PGM1: variants seen among roughly 807,000 people sequenced by gnomAD.
PGM1 encodes the protein phosphoglucomutase-1.
Under a neutral mutation model 55.6 loss-of-function variants are expected in PGM1, and 52 were observed. The ratio of observed to expected loss-of-function variants is 0.94; its 90% CI spans 0.75 to 1.18. The LOEUF (loss-of-function observed/expected upper bound fraction) is 1.18, where lower values mean the gene tolerates loss of function less well. PGM1 is among the 50% of genes most tolerant of loss of function. The probability of loss-of-function intolerance (pLI) is 0.00; values close to 1 mark genes in which losing one functional copy is unlikely to be tolerated. For synonymous variants in PGM1, 287 were observed against 271.7 expected, an observed-to-expected ratio of 1.06 and a Z score of -0.55; for missense variants, 724 against 729.3, an observed-to-expected ratio of 0.99 and a Z score of 0.08.
chr1:63,596,376 C>G (rs1553177172), intron 1 of PGM1, among the ~76,000 whole-genome samples: 1 of 150,998 alleles, frequency 6.6e-6, no homozygotes, highest in Non-Finnish European at 1.5e-5. Context: ...CCTGCCTTAG[C>G]CTCCTGAGTA....
rs752554516 is a variant in PGM1 at position 63,629,921 on chromosome 1, T to C, written c.410-21T>C. On this transcript the variant is annotated intron_variant, in intron 2 of 10. Coordinates refer to ENST00000371084, the MANE Select transcript of PGM1 (RefSeq NM_002633.3). ...ATGTGAGCTGCACGAAGTAACCCACTGTTTGCTGTTTGGTTTCCAGGTCCT... is the reference window on the plus strand; with the variant it reads ...ATGTGAGCTGCACGAAGTAACCCACCGTTTGCTGTTTGGTTTCCAGGTCCT... 8 of 1,613,942 alleles carry C rather than the reference T, an allele frequency of 5.0e-6. No homozygotes were observed. In the Admixed American group the frequency reaches 1.2e-4, roughly 24 times the overall value.
intron 7 of PGM1, among the ~76,000 whole-genome samples, chr1:63,643,351 C>G (rs1649566698): frequency 6.6e-6 from 1 of 152,214 alleles, no homozygotes; most frequent in East Asian, 1.9e-4. Context: ...CATGCTGGCA[C>G]TGATTCACAT....
chr1:63,656,432 T>G (rs1432759073), intron 10 of PGM1, among the ~76,000 whole-genome samples: 1 of 152,206 alleles, frequency 6.6e-6, no homozygotes, highest in African/African-American at 2.4e-5. Context: ...GTAATCCCTC[T>G]TCTGGGTATA....
At chr1:63,594,488 C>T (rs1255670926) in intron 1 of PGM1, among the ~76,000 whole-genome samples, 2 of 152,020 alleles carry the variant, frequency 1.3e-5, no homozygotes, top group East Asian at 3.9e-4. Context: ...GGCAACATAC[C>T]CAAAGACGCC....
At chr1:63,633,904 GTGTGTGTGTGTGTGTATATATA>G (rs1649273589) in intron 4 of PGM1, among the ~76,000 whole-genome samples, 3 of 36,034 alleles carry the variant, frequency 8.3e-5, no homozygotes, top group African/African-American at 5.4e-4. Flanking sequence ...GTGTGTGTGT[GTGTGTGTGTGTGTGTATATATA>G]TATATATTTT....
rs772513692 is a variant in PGM1 at position 63,651,811 on chromosome 1, G to C, written c.1423G>C (p.Glu475Gln). 2.5e-6 allele frequency: 4 copies of C among 1,614,040 alleles called. 1 individual carries two copies. The South Asian group carries it at 4.4e-5, about 18-fold the overall frequency. Reference protein sequence around the residue: ...VYTVEKADNFEYSDPVDGSIS... With the variant: ...VYTVEKADNFQYSDPVDGSIS... Reference sequence around the variant, plus strand: ...CACTGTGGAGAAGGCCGATAACTTTGAATACAGCGACCCAGTGGATGGAAG... The same window carrying C: ...CACTGTGGAGAAGGCCGATAACTTTCAATACAGCGACCCAGTGGATGGAAG... The change falls in exon 9 of 11, where the codon GAA (glutamate) becomes CAA (glutamine). Residue 475 changes from glutamate to glutamine, a missense_variant. Glu to Gln is a conservative substitution (Grantham distance 29). Around this residue, in one of 3 missense-constraint regions of PGM1, gnomAD observed 316 missense variants for 313.1 expected, o/e 1.01. Transcript: ENST00000371084.
chr1:63,602,636 T>A, intron 1 of PGM1, among the ~76,000 whole-genome samples: 1 of 150,436 alleles, frequency 6.6e-6, no homozygotes, highest in East Asian at 2.0e-4. Flanking sequence ...CAAGAGTGAA[T>A]TGAAATGGCT....
chr1:63,600,812 A>G (rs1288338164), intron 1 of PGM1, among the ~76,000 whole-genome samples: 3 of 152,228 alleles, frequency 2.0e-5, no homozygotes, highest in South Asian at 2.1e-4. Context: ...TAAATGTAGC[A>G]TACATTTTAT....
At chr1:63,652,539 G>A (rs1035262897) in intron 9 of PGM1, among the ~76,000 whole-genome samples, 1 of 148,692 alleles carries the variant, frequency 6.7e-6, no homozygotes, top group Non-Finnish European at 1.5e-5. Flanking sequence ...GAACACTTAC[G>A]CACCAGGGTT....
intron 5 of PGM1, among the ~76,000 whole-genome samples, chr1:63,635,534 G>A (rs1174531340): frequency 6.6e-6 from 1 of 152,102 alleles, no homozygotes; most frequent in Non-Finnish European, 1.5e-5. Context: ...ATTTACAAGG[G>A]TGACTATGTA....
In PGM1 at chr1:63,651,742, C is replaced by T. The variant is rs976783985; in HGVS notation, c.1354C>T (p.Arg452Cys). Residue 452 changes from arginine to cysteine, a missense_variant, in exon 9 of 11, where the codon CGC (arginine) becomes TGC (cysteine). By Grantham distance (180) the Arg-to-Cys change is radical (BLOSUM62 -3). Coordinates refer to ENST00000371084, the MANE Select transcript of PGM1 (RefSeq NM_002633.3). ...GGACTTGGAGGCCCTGATGTTTGAT[C>T]GCTCCTTTGTGGGGAAGCAGTTCTC... ...MKDLEALMFD[R>C]SFVGKQFSAN... The T allele has an allele frequency of 8.7e-6, 14 of 1,613,750 alleles. No homozygotes were observed. Among genetic ancestry groups the T allele is most frequent in the Non-Finnish European group, 1.0e-5 (12 of 1,179,764 alleles).
At chr1:63,621,956 C>T (rs145169187) in intron 1 of PGM1, among the ~76,000 whole-genome samples, 43 of 152,228 alleles carry the variant, frequency 2.8e-4, no homozygotes, top group East Asian at 1.6e-3. Flanking sequence ...TGTCTACTTT[C>T]GGATGCTACT....
intron 1 of PGM1, among the ~76,000 whole-genome samples, chr1:63,599,716 G>C (rs1047154708): frequency 6.6e-6 from 1 of 152,126 alleles, no homozygotes; most frequent in South Asian, 2.1e-4. Flanking sequence ...CATTCACCCT[G>C]TGAGGTCAAG....
At chr1:63,606,778 T>C (rs1478493729) in intron 1 of PGM1, among the ~76,000 whole-genome samples, 1 of 152,182 alleles carries the variant, frequency 6.6e-6, no homozygotes, top group Non-Finnish European at 1.5e-5. Flanking sequence ...GTCCTAAGCA[T>C]TCCCTCCAAA....
chr1:63,643,556 G>GA (rs1369357440), intron 7 of PGM1, among the ~76,000 whole-genome samples: 9 of 152,192 alleles, frequency 5.9e-5, no homozygotes, highest in African/African-American at 2.2e-4. Flanking sequence ...GAGTGGTCTG[G>GA]AGAAGGCTTT....
In PGM1 at chr1:63,611,505, G is replaced by A. The variant is rs147988914; in HGVS notation, c.246+17771G>A. 6.0e-3 allele frequency among the ~76,000 whole-genome samples: 918 copies of A among 152,194 alleles called. 9 individuals carry two copies. In the Middle Eastern group the frequency reaches 0.071, roughly 12 times the overall value. On this transcript the variant is annotated intron_variant, in intron 1 of 10. Transcript: ENST00000371084. ...CCCCTGAGGCTTTCTTTTATACACA[G>A]GCCAACATAAGACCCAGTCTGGGAA...
chr1:63,613,703 C>CTT (rs56355869), intron 1 of PGM1, among the ~76,000 whole-genome samples: 2,711 of 121,530 alleles, frequency 0.022, 38 homozygotes, highest in Non-Finnish European at 0.028. Flanking sequence ...TTCAATGTAT[C>CTT]TTTTTTTTTT....
intron 4 of PGM1, among the ~76,000 whole-genome samples, chr1:63,633,904 GTGTGTGTGTGTGTGTATATATATA>G (rs1649273685): frequency 2.8e-5 from 1 of 36,034 alleles, no homozygotes; most frequent in African/African-American, 1.8e-4. Context: ...GTGTGTGTGT[GTGTGTGTGTGTGTGTATATATATA>G]TATATTTTTT....
chr1:63,652,006 C>T (rs896830650), intron 9 of PGM1, among the ~76,000 whole-genome samples, 154 bp downstream of exon 9: 2 of 152,176 alleles, frequency 1.3e-5, no homozygotes, highest in Non-Finnish European at 2.9e-5. Flanking sequence ...TGCTGTCCCA[C>T]GTGACTCTCA....
Sources: allele counts gnomAD v4.1 joint callset (sites outside exome capture counted in the v4.1 genomes callset), GRCh38; gene constraint gnomAD v4.1.1; regional missense constraint gnomAD v4.1.1; transcripts MANE v1.5; gene names NCBI Gene and HGNC (gene_info 2026-07-23, HGNC 2026-07-21).